Variants in SNX29 observed in about 807,000 individuals in gnomAD.
SNX29 encodes the protein sorting nexin 29, also known as sorting nexin-29.
A neutral mutation model predicts 102.1 loss-of-function variants in SNX29; 78 were observed. The observed-to-expected ratio is 0.76, with a 90% CI of 0.64 to 0.92. SNX29 has a LOEUF of 0.92. SNX29 is among the 40% of genes least tolerant of loss of function. The pLI, the probability that SNX29 is intolerant of heterozygous loss-of-function variation, is 0.00. For missense variants in SNX29, 1,280 were observed against 1,061.7 expected (o/e 1.21, Z -2.86); for synonymous variants, 580 against 414.5 (o/e 1.40, Z -4.85).
intron 20 of SNX29, among the ~76,000 whole-genome samples, chr16:12,544,367 C>T (rs965196062): frequency 6.6e-6 from 1 of 152,180 alleles, no homozygotes; most frequent in Non-Finnish European, 1.5e-5. Flanking sequence ...AGAAGTGATG[C>T]TGGGGAGTGG....
intron 14 of SNX29, among the ~76,000 whole-genome samples, chr16:12,271,739 A>C (rs930381284): frequency 5.9e-5 from 9 of 151,480 alleles, no homozygotes; most frequent in Non-Finnish European, 1.3e-4. Context: ...TCTCCTGCCT[A>C]AGCCTCCTGA....
At chr16:12,552,717 TAGA>T (rs1406312863) in intron 20 of SNX29, among the ~76,000 whole-genome samples, 1 of 152,222 alleles carries the variant, frequency 6.6e-6, no homozygotes, top group African/African-American at 2.4e-5. Flanking sequence ...GGGGGACTGA[TAGA>T]AGAGACATGG....
intron 13 of SNX29, among the ~76,000 whole-genome samples, chr16:12,144,240 A>AT (rs1423349655): frequency 2.6e-5 from 4 of 152,334 alleles, no homozygotes; most frequent in African/African-American, 9.6e-5. Flanking sequence ...TTGGGAGCTA[A>AT]TTTTTTGTTG....
intron 16 of SNX29, among the ~76,000 whole-genome samples, chr16:12,379,243 C>A (rs2082989622): frequency 6.6e-6 from 1 of 152,166 alleles, no homozygotes; most frequent in African/African-American, 2.4e-5. Context: ...GTAAAATTAT[C>A]CTCCCACTTC....
chr16:12,366,444 C>T (rs1194043274), intron 16 of SNX29, among the ~76,000 whole-genome samples: 7 of 152,182 alleles, frequency 4.6e-5, no homozygotes, highest in Admixed American at 3.3e-4. Flanking sequence ...TACTAGCTAG[C>T]AGGGAGCTCA....
At chr16:12,493,958 A>G in intron 19 of SNX29, among the ~76,000 whole-genome samples, 1 of 152,050 alleles carries the variant, frequency 6.6e-6, no homozygotes, top group Non-Finnish European at 1.5e-5. Flanking sequence ...CGTGATTTTT[A>G]GCCATTTGGA....
chr16:12,202,488 T>C (rs1273159111), intron 14 of SNX29, among the ~76,000 whole-genome samples: 2 of 152,228 alleles, frequency 1.3e-5, no homozygotes, highest in African/African-American at 2.4e-5. Flanking sequence ...AAATTCTTCA[T>C]GCTCTTCCTC....
chr16:12,573,559 G>C lies in SNX29; in HGVS notation c.*4930G>C, dbSNP rs140881705. 4.5e-6 allele frequency: 1 copy of C among 223,018 alleles called. No homozygotes were observed. Among genetic ancestry groups the C allele is most frequent in the Non-Finnish European group, 9.0e-6 (1 of 111,678 alleles). 13.8% of individuals were successfully genotyped at this position (223,018 alleles called of 1,614,324 possible). ...GCGTAAGTGTTTTCCCATCCTAACC[G>C]GAAAACCACTCACCCAGGCTTCCCC... is the stretch of plus-strand genomic sequence containing the variant. On this transcript the variant is annotated 3_prime_UTR_variant, in exon 21 of 21. Coordinates refer to ENST00000566228, the MANE Select transcript of SNX29 (RefSeq NM_032167.5).
chr16:12,261,931 C>T (rs561417127), intron 14 of SNX29, among the ~76,000 whole-genome samples: 10 of 144,670 alleles, frequency 6.9e-5, no homozygotes, highest in South Asian at 2.3e-4. Flanking sequence ...GGTTCCTGAG[C>T]CCAGGTCTGC....
intron 3 of SNX29, among the ~76,000 whole-genome samples, chr16:12,020,046 T>C (rs2056973055): frequency 6.6e-6 from 1 of 152,188 alleles, no homozygotes; most frequent in South Asian, 2.1e-4. Context: ...TATAAGCTCT[T>C]GGTAAATATT....
chr16:12,536,923 C>A (rs568145304), intron 20 of SNX29, among the ~76,000 whole-genome samples: 1 of 152,068 alleles, frequency 6.6e-6, no homozygotes, highest in South Asian at 2.1e-4. Context: ...TTGCAGTGAG[C>A]CGAGATCACA....
intron 11 of SNX29, among the ~76,000 whole-genome samples, chr16:12,102,699 A>G (rs557704041): frequency 2.0e-5 from 3 of 152,312 alleles, no homozygotes; most frequent in Admixed American, 2.0e-4. Context: ...TAGTATTGCA[A>G]ATTCTGGCCA....
intron 17 of SNX29, 35 bp from the exon 18 acceptor site, chr16:12,403,413 T>G: frequency 6.4e-7 from 1 of 1,557,162 alleles, no homozygotes; most frequent in African/African-American, 1.4e-5. Context: ...AGTTAAAATG[T>G]CTAATGTTGG....
At chr16:12,357,646 C>G (rs891749944) in intron 16 of SNX29, among the ~76,000 whole-genome samples, 2 of 152,212 alleles carry the variant, frequency 1.3e-5, no homozygotes, top group Admixed American at 1.3e-4. Context: ...CTCTCCAGAA[C>G]TTTTCCATCT....
In SNX29 at chr16:12,513,539, C is replaced by T. The variant is rs367562542; in HGVS notation, c.2179-11163C>T. Among the ~76,000 whole-genome samples the T allele has an allele frequency of 7.2e-5, 11 of 152,078 alleles. 2 individuals are homozygous for T. The highest frequency in any genetic ancestry group is 1.3e-4 in the Non-Finnish European group (9 of 68,020). Reference sequence around the variant, plus strand: ...TCCCCTCTTCTGTCCATGCCTGGTGCGTTCCAGGTGGTGATCACCTAGAAA... The same window carrying T: ...TCCCCTCTTCTGTCCATGCCTGGTGTGTTCCAGGTGGTGATCACCTAGAAA... On this transcript the variant is annotated intron_variant, in intron 19 of 20. Coordinates refer to ENST00000566228, the MANE Select transcript of SNX29 (RefSeq NM_032167.5).
chr16:11,990,559 G>T (rs760009839), intron 1 of SNX29, among the ~76,000 whole-genome samples: 16 of 152,120 alleles, frequency 1.1e-4, no homozygotes, highest in South Asian at 2.1e-4. Context: ...TGGAATGGTT[G>T]TGGATTTTGG....
intron 18 of SNX29, among the ~76,000 whole-genome samples, chr16:12,413,681 G>A (rs1175905693): frequency 2.0e-5 from 3 of 152,172 alleles, no homozygotes; most frequent in Non-Finnish European, 4.4e-5. Context: ...CTCCTGTTGA[G>A]TCGTCTTGGA....
At chr16:12,042,283 G>A (rs1022549776) in intron 4 of SNX29, among the ~76,000 whole-genome samples, 1 of 152,162 alleles carries the variant, frequency 6.6e-6, no homozygotes, top group African/African-American at 2.4e-5. Flanking sequence ...CACCACATCA[G>A]CCTCCCAAGT....
intron 15 of SNX29, among the ~76,000 whole-genome samples, chr16:12,325,922 A>T (rs770094002): frequency 6.6e-6 from 1 of 152,028 alleles, no homozygotes; most frequent in Non-Finnish European, 1.5e-5. Flanking sequence ...TCGACTGTTC[A>T]GGGAGACTGA....
Sources: allele counts gnomAD v4.1 joint callset (sites outside exome capture counted in the v4.1 genomes callset), GRCh38; gene constraint gnomAD v4.1.1; transcripts MANE v1.5; gene names NCBI Gene and HGNC (gene_info 2026-07-23, HGNC 2026-07-21).